CDH18: variants seen among roughly 807,000 people sequenced by gnomAD.
The protein encoded by CDH18 is cadherin-18.
CDH18 carries 31 observed loss-of-function variants against 67.9 expected under a neutral mutation model. That is an observed-to-expected ratio of 0.46 (90% confidence interval 0.34 to 0.62). The LOEUF is 0.62. Among genes scored for constraint, CDH18 ranks in the 20% least tolerant of loss-of-function variants. CDH18 has a pLI of 0.01. For synonymous variants in CDH18, 362 were observed against 347.2 expected (o/e 1.04, Z -0.48); for missense variants, 890 against 975.5 (o/e 0.91, Z 1.17).
At chr5:19,574,838 C>T (rs1461711231) in intron 7 of CDH18, among the ~76,000 whole-genome samples, 1 of 151,742 alleles carries the variant, frequency 6.6e-6, no homozygotes, top group Admixed American at 6.6e-5. Flanking sequence ...GTCAGGAGGT[C>T]GACCATCGTG....
chr5:19,928,705 G>A (rs368918647), intron 2 of CDH18, among the ~76,000 whole-genome samples: 3 of 152,130 alleles, frequency 2.0e-5, no homozygotes, highest in African/African-American at 7.2e-5. Context: ...ATGAACCTGG[G>A]AAGAAAACAG....
intron 2 of CDH18, among the ~76,000 whole-genome samples, chr5:20,234,143 C>T (rs1322242567): frequency 6.6e-6 from 1 of 152,048 alleles, no homozygotes; most frequent in African/African-American, 2.4e-5. Context: ...CCAGTGAAGC[C>T]GCTGGATGAC....
chr5:19,924,195 T>G (rs1792831458), intron 2 of CDH18, among the ~76,000 whole-genome samples: 1 of 152,186 alleles, frequency 6.6e-6, no homozygotes, highest in Non-Finnish European at 1.5e-5. Flanking sequence ...AGGTAAGCTT[T>G]GAGAGTCATG....
At chr5:19,475,926 A>G (rs534045004) in intron 12 of CDH18, among the ~76,000 whole-genome samples, 7 of 152,194 alleles carry the variant, frequency 4.6e-5, no homozygotes, top group Non-Finnish European at 4.4e-5. Context: ...CACTTTTATC[A>G]TTATGGTTAC....
chr5:20,501,664 T>C (rs922246734), intron 1 of CDH18, among the ~76,000 whole-genome samples: 4 of 135,916 alleles, frequency 2.9e-5, no homozygotes, highest in African/African-American at 1.1e-4. Flanking sequence ...AGTGGTGCAA[T>C]CTCAGCTCAC....
At chr5:19,751,154 G>C (rs1770794105) in intron 3 of CDH18, among the ~76,000 whole-genome samples, 1 of 152,098 alleles carries the variant, frequency 6.6e-6, no homozygotes, top group Non-Finnish European at 1.5e-5. Context: ...GTTCACTCTA[G>C]AAAACTATTT....
intron 2 of CDH18, among the ~76,000 whole-genome samples, chr5:20,200,623 C>T (rs1039252683): frequency 9.9e-5 from 15 of 152,014 alleles, no homozygotes; most frequent in Non-Finnish European, 1.3e-4. Context: ...CTGCAGTGAG[C>T]TGTGATTGGG....
At chr5:19,963,652 G>A (rs1468338695) in intron 2 of CDH18, among the ~76,000 whole-genome samples, 1 of 152,010 alleles carries the variant, frequency 6.6e-6, no homozygotes, top group Admixed American at 6.6e-5. Flanking sequence ...TAAGTTTCCT[G>A]AGGCCTCCCC....
intron 1 of CDH18, among the ~76,000 whole-genome samples, chr5:20,554,780 T>C (rs1308571006): frequency 6.6e-6 from 1 of 152,184 alleles, no homozygotes; most frequent in Non-Finnish European, 1.5e-5. Context: ...AAAAATAATA[T>C]GCAGCTTATG....
chr5:19,944,675 G>A lies in CDH18; in HGVS notation c.-257+36385C>T, dbSNP rs191423798. Reference sequence around the variant, plus strand: ...ATTAAGCTGGTATGTTTATTGATATGGATACATACATGCTATGTCCATTTC... The same window carrying A: ...ATTAAGCTGGTATGTTTATTGATATAGATACATACATGCTATGTCCATTTC... On this transcript the variant is annotated intron_variant, in intron 2 of 12. Transcript: ENST00000382275. 1.1e-4 allele frequency among the ~76,000 whole-genome samples: 17 copies of A among 152,198 alleles called. 1 individual carries two copies. In the East Asian group the frequency reaches 1.7e-3, roughly 16 times the overall value.
At position 19,888,051 on chromosome 5, in the gene CDH18, T is replaced by C. The variant is rs571931717; in HGVS notation, c.-256-48809A>G. On this transcript the variant is annotated intron_variant, in intron 2 of 12. Transcript: ENST00000382275. ...GTATAGGTAGGTTCTAATCTCTCCA[T>C]TCTATTCCCTTATTCTATTTGTCTC... is the stretch of plus-strand genomic sequence containing the variant. 2.6e-5 allele frequency among the ~76,000 whole-genome samples: 4 copies of C among 152,258 alleles called. No individual in the cohort carries two copies. The East Asian group carries it at 7.7e-4, about 29-fold the overall frequency.
At chr5:20,330,574 G>A (rs1580768892) in intron 1 of CDH18, among the ~76,000 whole-genome samples, 1 of 152,136 alleles carries the variant, frequency 6.6e-6, no homozygotes, top group Admixed American at 6.6e-5. Flanking sequence ...AGTTTAACTG[G>A]TATATGACCT....
chr5:20,423,275 TGGGATTTTCAACCCTAAGCATAGC>T (rs1748007710), intron 1 of CDH18, among the ~76,000 whole-genome samples: 1 of 151,236 alleles, frequency 6.6e-6, no homozygotes, highest in Non-Finnish European at 1.5e-5. Flanking sequence ...ATTCTGATAA[TGGGATTTTCAACCCTAAGCATAGC>T]TTGCCACGTC....
At chr5:19,761,119 T>C (rs1267992190) in intron 3 of CDH18, among the ~76,000 whole-genome samples, 1 of 152,182 alleles carries the variant, frequency 6.6e-6, no homozygotes, top group African/African-American at 2.4e-5. Context: ...AGGTCGTGCA[T>C]GCATCTTTCA....
At chr5:19,880,582 T>C (rs1277350383) in intron 2 of CDH18, among the ~76,000 whole-genome samples, 1 of 152,086 alleles carries the variant, frequency 6.6e-6, no homozygotes, top group African/African-American at 2.4e-5. Context: ...ACTTTGAAAA[T>C]GAAGTGCTGT....
intron 3 of CDH18, among the ~76,000 whole-genome samples, chr5:19,778,644 C>T (rs1774692620): frequency 6.6e-6 from 1 of 152,120 alleles, no homozygotes. Flanking sequence ...ACTCAGGAAA[C>T]TGTCACCATG....
At chr5:20,174,085 A>C (rs1317694514) in intron 2 of CDH18, among the ~76,000 whole-genome samples, 1 of 152,188 alleles carries the variant, frequency 6.6e-6, no homozygotes, top group Non-Finnish European at 1.5e-5. Flanking sequence ...TTTTTAATAA[A>C]ATATTTCAAA....
intron 2 of CDH18, among the ~76,000 whole-genome samples, chr5:19,846,186 T>A (rs1420406538): frequency 6.6e-6 from 1 of 152,090 alleles, no homozygotes; most frequent in Admixed American, 6.6e-5. Context: ...ACAGTATCAT[T>A]TTTTGTGCAT....
intron 1 of CDH18, among the ~76,000 whole-genome samples, chr5:20,328,762 G>A (rs1041569251): frequency 6.6e-6 from 1 of 152,140 alleles, no homozygotes; most frequent in African/African-American, 2.4e-5. Flanking sequence ...GGGAGGCCAA[G>A]GTGGGTGGAT....
Sources: gnomAD v4.1 joint callset for allele counts (sites outside exome capture counted in the v4.1 genomes callset) on GRCh38, gnomAD v4.1.1 for gene constraint, MANE v1.5 for transcripts, NCBI Gene and HGNC (gene_info 2026-07-23, HGNC 2026-07-21) for gene names.